Variants in STRN3 observed in about 807,000 individuals in gnomAD.
The protein encoded by STRN3 is striatin 3, also known as striatin-3.
A neutral mutation model predicts 95.6 loss-of-function variants in STRN3; 29 were observed. The observed-to-expected ratio is 0.30, with a 90% confidence interval of 0.23 to 0.41. STRN3 has a LOEUF of 0.41. STRN3 is among the 10% of genes least tolerant of loss of function. STRN3 has a pLI of 1.00. For missense variants in STRN3, 890 were observed against 972.1 expected (o/e 0.92, Z 1.12); for synonymous variants, 331 against 357.6 (o/e 0.93, Z 0.84).
At chr14:31,019,320 TAAAATAATAG>T (rs1464106267) in intron 1 of STRN3, among the ~76,000 whole-genome samples, 1 of 151,962 alleles carries the variant, frequency 6.6e-6, no homozygotes, top group Non-Finnish European at 1.5e-5. Flanking sequence ...TAAAAATAAA[TAAAATAATAG>T]AAAATAATAA....
At chr14:30,938,911 C>G (rs1294015040) in intron 5 of STRN3, among the ~76,000 whole-genome samples, 5 of 152,180 alleles carry the variant, frequency 3.3e-5, no homozygotes, top group African/African-American at 1.2e-4. Flanking sequence ...GGATCATAGA[C>G]TATGAAAGGT....
chr14:30,954,863 G>A (rs184520807), intron 3 of STRN3, among the ~76,000 whole-genome samples: 17 of 150,870 alleles, frequency 1.1e-4, no homozygotes, highest in Non-Finnish European at 2.2e-4. Context: ...AGTTCTAGAA[G>A]TGCCTGCTTA....
intron 1 of STRN3, among the ~76,000 whole-genome samples, chr14:31,004,544 C>A (rs1402489573): frequency 6.6e-6 from 1 of 151,970 alleles, no homozygotes; most frequent in Non-Finnish European, 1.5e-5. Context: ...GAGGCCGAGG[C>A]GGGTGGATCA....
In STRN3 at chr14:30,894,091, T is replaced by C. The variant is rs1172949727; in HGVS notation, c.*1320A>G. Reference sequence around the variant, plus strand: ...ATACTTTATTGTCTTAATCATGCATTACACAAACAAAATCTTTAGTTACAC... The same window carrying C: ...ATACTTTATTGTCTTAATCATGCATCACACAAACAAAATCTTTAGTTACAC... On this transcript the variant is annotated 3_prime_UTR_variant, in exon 18 of 18. Coordinates refer to ENST00000357479, the MANE Select transcript of STRN3 (RefSeq NM_001083893.2). The C allele has an allele frequency of 1.3e-5, 2 of 152,558 alleles. No homozygotes were observed. The highest frequency in any genetic ancestry group is 4.8e-5 in the African/African-American group (2 of 41,448). The allele number at this position is 152,558 out of a possible 1,614,324, so 9.5% of individuals were successfully genotyped here.
At chr14:30,916,878 G>A (rs922718661) in intron 9 of STRN3, among the ~76,000 whole-genome samples, 2 of 152,170 alleles carry the variant, frequency 1.3e-5, no homozygotes, top group East Asian at 3.8e-4. Flanking sequence ...TATGATGAAG[G>A]AAACCTGTAG....
At chr14:30,927,911 C>T (rs1269082687) in intron 8 of STRN3, among the ~76,000 whole-genome samples, 5 of 123,696 alleles carry the variant, frequency 4.0e-5, no homozygotes, top group Non-Finnish European at 7.9e-5. Context: ...CCAGCCAGGG[C>T]GACAGAGCGA....
intron 1 of STRN3, among the ~76,000 whole-genome samples, chr14:31,011,621 C>T (rs574900906): frequency 3.3e-5 from 5 of 152,060 alleles, no homozygotes; most frequent in African/African-American, 1.2e-4. Flanking sequence ...CCAGCCTGGG[C>T]GACAGAGCGA....
intron 4 of STRN3, 76 bp downstream of exon 4, chr14:30,950,787 T>C: frequency 7.4e-7 from 1 of 1,345,600 alleles, no homozygotes; most frequent in Non-Finnish European, 1.0e-6. Context: ...TATGATTTTT[T>C]ACTTGTAAAG....
intron 5 of STRN3, among the ~76,000 whole-genome samples, chr14:30,942,932 G>A (rs1594471130): frequency 1.3e-5 from 2 of 152,230 alleles, no homozygotes; most frequent in South Asian, 2.1e-4. Flanking sequence ...TACAAATAAG[G>A]AAAGTAATGT....
intron 15 of STRN3, among the ~76,000 whole-genome samples, chr14:30,903,590 G>C (rs1185304791): frequency 2.0e-5 from 3 of 152,086 alleles, no homozygotes; most frequent in African/African-American, 7.2e-5. Context: ...GGTAGAGATG[G>C]GGTCTCACTA....
intron 7 of STRN3, among the ~76,000 whole-genome samples, chr14:30,934,818 A>G (rs1023671481): frequency 2.0e-5 from 3 of 152,176 alleles, no homozygotes; most frequent in Non-Finnish European, 4.4e-5. Flanking sequence ...TAAATCTAGA[A>G]TACCAAATTA....
chr14:30,956,562 CTG>C (rs1879915349), intron 1 of STRN3, among the ~76,000 whole-genome samples: 1 of 152,082 alleles, frequency 6.6e-6, no homozygotes, highest in South Asian at 2.1e-4. Context: ...TGAGGAGACT[CTG>C]TCTCAAACAA....
At chr14:30,901,849 T>C (rs1278539793) in intron 16 of STRN3, among the ~76,000 whole-genome samples, 1 of 152,162 alleles carries the variant, frequency 6.6e-6, no homozygotes, top group Non-Finnish European at 1.5e-5. Context: ...TAATGTCATT[T>C]GATCCACTGA....
chr14:30,974,285 T>A lies in STRN3; in HGVS notation c.283-18043A>T, dbSNP rs12587420. Among the ~76,000 whole-genome samples, 2,729 of 152,066 alleles carry A rather than the reference T, an allele frequency of 0.018. 105 individuals carry two copies. The East Asian group carries it at 0.19, about 10-fold the overall frequency. Reference sequence around the variant, plus strand: ...CAGTTTCATTTTTATACACTAACAATGAACAATCTGAAAAGGTAATTAAGA... The same window carrying A: ...CAGTTTCATTTTTATACACTAACAAAGAACAATCTGAAAAGGTAATTAAGA... On this transcript the variant is annotated intron_variant, in intron 1 of 17. Coordinates refer to ENST00000357479, the MANE Select transcript of STRN3 (RefSeq NM_001083893.2).
At chr14:30,977,179 T>C (rs1594527636) in intron 1 of STRN3, among the ~76,000 whole-genome samples, 1 of 152,088 alleles carries the variant, frequency 6.6e-6, no homozygotes, top group Non-Finnish European at 1.5e-5. Flanking sequence ...TGAGCAGATA[T>C]CGTGCCAGTG....
chr14:31,004,197 A>G (rs1181779390), intron 1 of STRN3, among the ~76,000 whole-genome samples: 1 of 152,166 alleles, frequency 6.6e-6, no homozygotes, highest in Middle Eastern at 3.4e-3. Flanking sequence ...AGAGGTGGGA[A>G]GATCACCTGA....
chr14:30,990,162 A>G (rs1451071766), intron 1 of STRN3, among the ~76,000 whole-genome samples: 1 of 150,730 alleles, frequency 6.6e-6, no homozygotes, highest in East Asian at 1.9e-4. Flanking sequence ...TGAGGGCACT[A>G]TGACTTTTTT....
intron 1 of STRN3, among the ~76,000 whole-genome samples, chr14:30,969,394 G>A (rs1294130399): frequency 1.3e-5 from 2 of 151,602 alleles, no homozygotes; most frequent in East Asian, 1.9e-4. Context: ...CTGAGATCGC[G>A]CCACTGCACT....
At chr14:30,927,331 A>C (rs1566439937) in intron 8 of STRN3, among the ~76,000 whole-genome samples, 2 of 152,032 alleles carry the variant, frequency 1.3e-5, no homozygotes, top group Admixed American at 1.3e-4. Flanking sequence ...TTTTTAGTTT[A>C]TCTGTTTCTA....
Sources: gnomAD v4.1 joint callset for allele counts (sites outside exome capture counted in the v4.1 genomes callset) on GRCh38, gnomAD v4.1.1 for gene constraint, MANE v1.5 for transcripts, NCBI Gene and HGNC (gene_info 2026-07-23, HGNC 2026-07-21) for gene names.